Variants in MSL2 observed in about 807,000 individuals in gnomAD.
MSL2 encodes E3 ubiquitin-protein ligase MSL2.
A neutral mutation model predicts 35.8 loss-of-function variants in MSL2; 2 were observed. That is an observed-to-expected ratio of 0.06 (90% CI 0.02 to 0.18). The LOEUF (loss-of-function observed/expected upper bound fraction) is 0.18, where lower values mean the gene tolerates loss of function less well. MSL2 is among the 10% of genes least tolerant of loss of function. The pLI, the probability that MSL2 is intolerant of heterozygous loss-of-function variation, is 1.00. For synonymous variants in MSL2, 296 were observed against 255.7 expected (o/e 1.16, Z -1.50); for missense variants, 523 against 706.7 (o/e 0.74, Z 2.95).
intron 1 of MSL2, among the ~76,000 whole-genome samples, chr3:136,169,117 G>A (rs959605921): frequency 6.6e-6 from 1 of 150,428 alleles, no homozygotes; most frequent in Non-Finnish European, 1.5e-5. Flanking sequence ...ACTCTGAAAC[G>A]CTGCAAACAG....
chr3:136,152,405 G>C lies in MSL2; in HGVS notation c.476C>G (p.Pro159Arg). 1 of 1,614,150 alleles carries C rather than the reference G, an allele frequency of 6.2e-7. No homozygotes were observed. The highest frequency in any genetic ancestry group is 8.5e-7 in the Non-Finnish European group (1 of 1,180,008). The stretch of plus-strand genomic sequence containing the variant: ...TGTGGGTTCTGAGGTTGAAGGTAAA[G>C]GGGAATGTGTCAAACACAAAGTAAA... ...SSFTLCLTHS[P>R]LPSTSEPTTD... Residue 159 changes from proline to arginine, a missense_variant, in exon 2 of 2, where the codon CCT (proline) becomes CGT (arginine). By Grantham distance (103) the Pro-to-Arg change is moderately radical. Transcript: ENST00000309993.
Position 136,151,559 on chromosome 3 carries a change from T to C in MSL2, c.1322A>G (p.His441Arg), listed in dbSNP as rs150851941. Reference sequence around the variant, plus strand: ...GGTAGGACTTCCTGGCATAAAATGATGACTAGGAATCTTTTCCTTTACTGC... The same window carrying C: ...GGTAGGACTTCCTGGCATAAAATGACGACTAGGAATCTTTTCCTTTACTGC... ...DKAVKEKIPSHHFMPGSPTKT... is the reference protein window; with the variant it reads ...DKAVKEKIPSRHFMPGSPTKT... The change falls in exon 2 of 2, where the codon CAT becomes CGT. Residue 441 changes from histidine to arginine, a missense_variant. This residue lies in a region of MSL2 where 361 missense variants were observed against 414.6 expected (regional missense o/e 0.87). Coordinates refer to ENST00000309993, the MANE Select transcript of MSL2 (RefSeq NM_018133.4). The surrounding 1 kb of genome is among the most constrained non-coding windows in gnomAD (Gnocchi z 5.2). 4.6e-5 allele frequency: 74 copies of C among 1,614,118 alleles called. No homozygotes were observed. Among genetic ancestry groups the C allele is most frequent in the Admixed American group, 6.7e-5 (4 of 60,012 alleles).
rs1267052765 is a variant in MSL2 at position 136,196,301 on chromosome 3, C to T, written c.-1188G>A. On this transcript the variant is annotated 5_prime_UTR_variant, in exon 1 of 2. Transcript: ENST00000309993. ...GCCACTGTCATCCCCGAGACTCCCC[C>T]GCCGCCGTCGTCGCTAGCGCTCGCA... 1 of 152,656 alleles carries T rather than the reference C, an allele frequency of 6.6e-6. No homozygotes were observed. The highest frequency in any genetic ancestry group is 1.5e-5 in the Non-Finnish European group (1 of 68,366). The allele number at this position is 152,656 out of a possible 1,614,324, so 9.5% of individuals were successfully genotyped here. A position where few individuals can be genotyped will look rare whatever the true frequency, so the allele number is the denominator to read the frequency against.
At chr3:136,191,467 CAAA>C (rs11293553) in intron 1 of MSL2, among the ~76,000 whole-genome samples, 2,032 of 123,004 alleles carry the variant, frequency 0.017, 24 homozygotes, top group Non-Finnish European at 0.025. Context: ...GAATCCGTCT[CAAA>C]AAAAAAAAAA....
chr3:136,195,235 G>A lies in MSL2; in HGVS notation c.-122C>T. The A allele has an allele frequency of 6.6e-7, 1 of 1,504,996 alleles. No homozygotes were observed. Among genetic ancestry groups the A allele is most frequent in the Non-Finnish European group, 8.8e-7 (1 of 1,131,762 alleles). 93.2% of individuals were successfully genotyped at this position (1,504,996 alleles called of 1,614,324 possible). On this transcript the variant is annotated 5_prime_UTR_variant, in exon 1 of 2. Coordinates refer to ENST00000309993, the MANE Select transcript of MSL2 (RefSeq NM_018133.4). ...GGAAGAAATCAGAGCCGAACCATTG[G>A]CCAAACAAGTAACCAAAATCCGTGC...
At chr3:136,192,548 G>T (rs896392214) in intron 1 of MSL2, among the ~76,000 whole-genome samples, 1 of 151,416 alleles carries the variant, frequency 6.6e-6, no homozygotes, top group South Asian at 2.1e-4. Context: ...GAAAAAAGTA[G>T]TGTTTTAGGC....
At chr3:136,179,317 G>A (rs1382786572) in intron 1 of MSL2, among the ~76,000 whole-genome samples, 3 of 152,062 alleles carry the variant, frequency 2.0e-5, no homozygotes, top group African/African-American at 7.2e-5. Flanking sequence ...CTCCCGAGTA[G>A]CTGGGATTAC....
chr3:136,157,663 C>CA (rs1939572629), intron 1 of MSL2, among the ~76,000 whole-genome samples: 1 of 152,120 alleles, frequency 6.6e-6, no homozygotes, highest in Admixed American at 6.6e-5. Context: ...TGAAAGGAGT[C>CA]AGAGTATCAC....
At chr3:136,172,706 A>C (rs939498759) in intron 1 of MSL2, among the ~76,000 whole-genome samples, 1 of 152,074 alleles carries the variant, frequency 6.6e-6, no homozygotes, top group Non-Finnish European at 1.5e-5. Flanking sequence ...ATCCTTAGTA[A>C]TCCTTACTGA....
In MSL2 at chr3:136,151,461, G is replaced by T. The variant is rs1206915594; in HGVS notation, c.1420C>A (p.Leu474Ile). The stretch of plus-strand genomic sequence containing the variant: ...GGGCAGCGTTGGCCTCGGCATGTAA[G>T]AACACTTGGATTTTGAGTAGCACGC... ...CGRATQNPSV[L>I]TCRGQRCPCY... Residue 474 changes from leucine to isoleucine, a missense_variant, in exon 2 of 2, where the codon CTT becomes ATT. Leu to Ile is a conservative substitution (Grantham distance 5). Around this residue, in one of 5 missense-constraint regions of MSL2, gnomAD observed 16 missense variants for 86.1 expected, o/e 0.19. Coordinates refer to ENST00000309993, the MANE Select transcript of MSL2 (RefSeq NM_018133.4). The surrounding 1 kb of genome is among the most constrained non-coding windows in gnomAD (Gnocchi z 5.2). The T allele has an allele frequency of 6.2e-7, 1 of 1,614,106 alleles. No homozygotes were observed. The highest frequency in any genetic ancestry group is 8.5e-7 in the Non-Finnish European group (1 of 1,180,046).
intron 1 of MSL2, among the ~76,000 whole-genome samples, chr3:136,185,301 TAAA>T (rs10571267): frequency 0.02 from 2,194 of 107,056 alleles, 50 homozygotes; most frequent in African/African-American, 0.066. Context: ...TTAACAAAGC[TAAA>T]AAAAAAAAAA....
At chr3:136,164,514 T>A (rs1190727740) in intron 1 of MSL2, among the ~76,000 whole-genome samples, 1 of 152,192 alleles carries the variant, frequency 6.6e-6, no homozygotes, top group Non-Finnish European at 1.5e-5. Context: ...TCCCCAAGGG[T>A]TCTCTATACA....
Position 136,151,001 on chromosome 3 carries a change from C to T in MSL2, c.*146G>A. ...CATTATCTGCAAACTATTTCCCCGA[C>T]ACTAACACATATAACTTAGCAATGA... On this transcript the variant is annotated 3_prime_UTR_variant, in exon 2 of 2. Transcript: ENST00000309993. This position sits in a 1 kb window ranked among gnomAD's most constrained non-coding sequence, Gnocchi z 5.2. The T allele has an allele frequency of 1.2e-6, 1 of 859,062 alleles. No homozygotes were observed. The highest frequency in any genetic ancestry group is 1.8e-6 in the Non-Finnish European group (1 of 549,754). 53.2% of individuals were successfully genotyped at this position (859,062 alleles called of 1,614,324 possible). A position where few individuals can be genotyped will look rare whatever the true frequency, so the allele number is the denominator to read the frequency against.
At chr3:136,192,949 G>C (rs1480184411) in intron 1 of MSL2, among the ~76,000 whole-genome samples, 2 of 152,032 alleles carry the variant, frequency 1.3e-5, no homozygotes, top group Admixed American at 1.3e-4. Flanking sequence ...TACGTCCAAA[G>C]AGATGGGAGG....
At chr3:136,178,872 T>C (rs977779413) in intron 1 of MSL2, among the ~76,000 whole-genome samples, 1 of 151,924 alleles carries the variant, frequency 6.6e-6, no homozygotes, top group Non-Finnish European at 1.5e-5. Flanking sequence ...ACGTGGAGTA[T>C]TCCAAGACAG....
At position 136,172,015 on chromosome 3, in the gene MSL2, C is replaced by T. The variant is rs186976732; in HGVS notation, c.143-19277G>A. Among the ~76,000 whole-genome samples, 6 of 152,260 alleles carry T rather than the reference C, an allele frequency of 3.9e-5. No homozygotes were observed. The East Asian group carries it at 1.2e-3, about 29-fold the overall frequency. On this transcript the variant is annotated intron_variant, in intron 1 of 1. Coordinates refer to ENST00000309993, the MANE Select transcript of MSL2 (RefSeq NM_018133.4). ...CAAGCAATCCTCCTAACTCAGCCTT[C>T]TGCGTAGGTGGGACCACAACTCCTG... is the stretch of plus-strand genomic sequence containing the variant.
At chr3:136,168,297 C>G (rs770212272) in intron 1 of MSL2, among the ~76,000 whole-genome samples, 1 of 151,914 alleles carries the variant, frequency 6.6e-6, no homozygotes, top group Non-Finnish European at 1.5e-5. Flanking sequence ...AATGGGATAA[C>G]AACAGTCGTG....
At chr3:136,169,652 G>A (rs1939962234) in intron 1 of MSL2, among the ~76,000 whole-genome samples, 1 of 151,998 alleles carries the variant, frequency 6.6e-6, no homozygotes, top group Non-Finnish European at 1.5e-5. Context: ...GTTTCACCAT[G>A]TTGGCCAGGG....
chr3:136,164,874 C>A (rs1350222062), intron 1 of MSL2, among the ~76,000 whole-genome samples: 2 of 149,536 alleles, frequency 1.3e-5, no homozygotes, highest in African/African-American at 2.5e-5. Context: ...AAATACACAC[C>A]TTCAGACTTT....
Sources: gnomAD v4.1 joint callset for allele counts (sites outside exome capture counted in the v4.1 genomes callset) on GRCh38, gnomAD v4.1.1 for gene constraint, gnomAD v4.1.1 regional missense constraint, Gnocchi (gnomAD v3.1) non-coding constraint, MANE v1.5 for transcripts, NCBI Gene and HGNC (gene_info 2026-07-23, HGNC 2026-07-21) for gene names.